FMR1: variants seen among roughly 807,000 people sequenced by gnomAD.
The protein encoded by FMR1 is FMRP translational regulator 1.
FMR1 carries 13 observed loss-of-function variants against 50.6 expected under a neutral mutation model. The observed-to-expected ratio is 0.26, with a 90% CI of 0.17 to 0.41. The LOEUF (loss-of-function observed/expected upper bound fraction) is 0.41, where lower values mean the gene tolerates loss of function less well. FMR1 is among the 10% of genes least tolerant of loss of function. The pLI, the probability that FMR1 is intolerant of heterozygous loss-of-function variation, is 1.00. For synonymous variants in FMR1, 138 were observed against 164.1 expected, an observed-to-expected ratio of 0.84 and a Z score of 1.22; for missense variants, 316 against 491.3, an observed-to-expected ratio of 0.64 and a Z score of 3.37.
At chrX:147,920,363 T>A (rs1237889593) in intron 1 of FMR1, among the ~76,000 whole-genome samples, 2 of 111,955 alleles carry the variant, frequency 1.8e-5, no homozygotes, top group Non-Finnish European at 3.8e-5. Context: ...TGTCTAAACC[T>A]TTATGCCTGC....
chrX:147,941,851 A>T (rs1362820939), intron 13 of FMR1, among the ~76,000 whole-genome samples: 2 of 112,221 alleles, frequency 1.8e-5, no homozygotes, highest in African/African-American at 3.3e-5. Flanking sequence ...TTCTTTGGTT[A>T]TCAGCAGCTG....
Position 147,936,490 on chromosome X carries a change from T to G in FMR1, c.881-14T>G. On this transcript the variant is annotated splice_polypyrimidine_tract_variant and intron_variant, in intron 9 of 16. Transcript: ENST00000370475. Reference sequence around the variant, plus strand: ...TGTGTTTTTAAAACCAAACTTGATTTATTTATTTCTTAGGCAAAGTAATAG... The same window carrying G: ...TGTGTTTTTAAAACCAAACTTGATTGATTTATTTCTTAGGCAAAGTAATAG... 1 of 1,104,896 alleles carries G rather than the reference T, an allele frequency of 9.1e-7. No homozygotes were observed. Among genetic ancestry groups the G allele is most frequent in the East Asian group, 3.0e-5 (1 of 33,306 alleles). The allele number at this position is 1,104,896 out of a possible 1,213,427, so 91.1% of individuals were successfully genotyped here. A position where few individuals can be genotyped will look rare whatever the true frequency, so the allele number is the denominator to read the frequency against.
Position 147,930,193 on chromosome X carries a change from C to T in FMR1, c.579C>T (p.Arg193=), listed in dbSNP as rs781977593. 1.1e-5 allele frequency: 13 copies of T among 1,206,706 alleles called. No individual in the cohort carries two copies. Among genetic ancestry groups the T allele is most frequent in the East Asian group, 5.9e-5 (2 of 33,736 alleles). Residue 193 remains arginine, a synonymous_variant, in exon 7 of 17, where the codon CGC becomes CGT. Coordinates refer to ENST00000370475, the MANE Select transcript of FMR1 (RefSeq NM_002024.6). ...TTGACATGCACTTTCGGAGTCTGCG[C>T]ACTAAGTTGTCTCTGATAATGAGAA... ...MLIDMHFRSL[R]TKLSLIMRNE...
chrX:147,948,590 G>A, intron 16 of FMR1, 93 bp from the exon 17 acceptor site: 1 of 1,188,463 alleles, frequency 8.4e-7, no homozygotes, highest in Non-Finnish European at 1.1e-6. Flanking sequence ...TTAACATGTG[G>A]AATTTACACT....
At chrX:147,941,073 G>A (rs1423591639) in intron 13 of FMR1, among the ~76,000 whole-genome samples, 1 of 111,715 alleles carries the variant, frequency 9.0e-6, no homozygotes, top group Non-Finnish European at 1.9e-5. Flanking sequence ...GAAGTTCTTT[G>A]TTTAAATGTT....
chrX:147,945,279 C>T (rs1248617550), intron 15 of FMR1, among the ~76,000 whole-genome samples: 2 of 112,152 alleles, frequency 1.8e-5, no homozygotes, highest in African/African-American at 6.5e-5. Context: ...ACTAATTCAG[C>T]ATCTTGGTGG....
intron 14 of FMR1, chrX:147,944,101 G>C (rs1356348236): frequency 1.4e-6 from 1 of 731,230 alleles, no homozygotes; most frequent in Non-Finnish European, 1.6e-6. Flanking sequence ...GTTGGGGAGA[G>C]TTACCTACTC....
At chrX:147,942,468 G>A (rs1557181109) in intron 13 of FMR1, among the ~76,000 whole-genome samples, 4 of 112,263 alleles carry the variant, frequency 3.6e-5, no homozygotes, top group African/African-American at 1.3e-4. Flanking sequence ...ACTTGTTGTA[G>A]CAGAGTTGTA....
intron 1 of FMR1, among the ~76,000 whole-genome samples, chrX:147,920,740 G>T (rs920639173): frequency 1.8e-5 from 2 of 112,087 alleles, no homozygotes; most frequent in Non-Finnish European, 3.8e-5. Context: ...TGAGAATGCA[G>T]AGGACAGGAA....
At chrX:147,918,555 CTT>C (rs368581020) in intron 1 of FMR1, among the ~76,000 whole-genome samples, 21 of 47,266 alleles carry the variant, frequency 4.4e-4, no homozygotes, top group Non-Finnish European at 6.1e-4. Flanking sequence ...CCTGCAAAAG[CTT>C]TTTTTTTTTT....
rs1557177920 is a variant in FMR1, at chrX:147,928,404, G to A, written c.270+11G>A. On this transcript the variant is annotated intron_variant, in intron 4 of 16. Coordinates refer to ENST00000370475, the MANE Select transcript of FMR1 (RefSeq NM_002024.6). ...ATGATAAAGGGTGAGGTAGGAAAAT[G>A]CCTATTTAAATTTTTTTCTTATATT... The A allele has an allele frequency of 1.7e-6, 2 of 1,170,513 alleles. No homozygotes were observed. Among genetic ancestry groups the A allele is most frequent in the Admixed American group, 2.2e-5 (1 of 45,500 alleles).
chrX:147,926,033 A>G lies in FMR1; in HGVS notation c.198+400A>G, dbSNP rs138792184. On this transcript the variant is annotated intron_variant, in intron 3 of 16. Coordinates refer to ENST00000370475, the MANE Select transcript of FMR1 (RefSeq NM_002024.6). ...CTTTATTACAAAATAGTATACTAGAATTTCTTTAAGTAGCAGTGAATCTTC... is the reference window on the plus strand; with the variant it reads ...CTTTATTACAAAATAGTATACTAGAGTTTCTTTAAGTAGCAGTGAATCTTC... 7.9e-3 allele frequency among the ~76,000 whole-genome samples: 885 copies of G among 112,453 alleles called. 8 individuals carry two copies. Among genetic ancestry groups the G allele is most frequent in the African/African-American group, 0.027 (847 of 30,956 alleles).
intron 1 of FMR1, 41 bp downstream of exon 1, chrX:147,912,271 C>T: frequency 8.9e-7 from 1 of 1,128,143 alleles, no homozygotes; most frequent in African/African-American, 1.8e-5. Flanking sequence ...GCCCTTCCTT[C>T]CCTCCCTTTT....
chrX:147,945,076 C>T, intron 15 of FMR1, 25 bp downstream of exon 15: 1 of 1,166,718 alleles, frequency 8.6e-7, no homozygotes. Flanking sequence ...ATTAAGAAAT[C>T]AAAGTGAATT....
In FMR1 at chrX:147,950,985, A is replaced by G. The variant is rs1312452428; in HGVS notation, c.*2141A>G. On this transcript the variant is annotated 3_prime_UTR_variant, in exon 17 of 17. Transcript: ENST00000370475. ...GGAGTTGGAGTTCATTCATATTACA[A>G]TATTTGTGTGCTAAACGTGTATGTT... The G allele has an allele frequency of 7.7e-6, 2 of 259,908 alleles. No individual in the cohort carries two copies. The highest frequency in any genetic ancestry group is 5.2e-5 in the Admixed American group (1 of 19,293). The allele number at this position is 259,908 out of a possible 1,213,427, so 21.4% of individuals were successfully genotyped here.
intron 16 of FMR1, 59 bp from the exon 17 acceptor site, chrX:147,948,624 C>T: frequency 1.7e-6 from 2 of 1,207,226 alleles, no homozygotes; most frequent in Non-Finnish European, 2.2e-6. Flanking sequence ...TCTTGTCAGG[C>T]CAATTACAGA....
intron 1 of FMR1, among the ~76,000 whole-genome samples, chrX:147,917,326 A>T (rs1186884544): frequency 8.9e-6 from 1 of 112,067 alleles, no homozygotes; most frequent in African/African-American, 3.3e-5. Flanking sequence ...TGGTAATAGA[A>T]TGTTTGAATA....
chrX:147,923,260 C>T, intron 2 of FMR1, among the ~76,000 whole-genome samples: 1 of 111,936 alleles, frequency 8.9e-6, no homozygotes, highest in Non-Finnish European at 1.9e-5. Context: ...GACCAAAATA[C>T]AAGTTTGAAT....
chrX:147,928,691 A>G lies in FMR1; in HGVS notation c.303A>G (p.Ala101=). The G allele has an allele frequency of 8.3e-7, 1 of 1,206,309 alleles. No individual in the cohort carries two copies. The highest frequency in any genetic ancestry group is 1.1e-6 in the Non-Finnish European group (1 of 890,772). The change falls in exon 5 of 17, where the codon GCA becomes GCG. Residue 101 remains alanine, a synonymous_variant. Coordinates refer to ENST00000370475, the MANE Select transcript of FMR1 (RefSeq NM_002024.6). ...FYVIEYAACD[A]TYNEIVTIER... is the part of the protein sequence containing the mutation. ...TGATAGAATATGCAGCATGTGATGC[A>G]ACTTACAATGAAATTGTCACAATTG... is the stretch of plus-strand genomic sequence containing the variant.
Sources: allele counts gnomAD v4.1 joint callset (sites outside exome capture counted in the v4.1 genomes callset), GRCh38; gene constraint gnomAD v4.1.1; transcripts MANE v1.5; gene names NCBI Gene and HGNC (gene_info 2026-07-23, HGNC 2026-07-21).